GRIK4: variants seen among roughly 807,000 people sequenced by gnomAD.
The protein encoded by GRIK4 is glutamate receptor ionotropic, kainate 4.
GRIK4 carries 40 observed loss-of-function variants against 104.9 expected under a neutral mutation model. That is an observed-to-expected ratio of 0.38 (90% CI 0.30 to 0.50). The LOEUF (loss-of-function observed/expected upper bound fraction) is 0.50, where lower values mean the gene tolerates loss of function less well. GRIK4 is among the 20% of genes least tolerant of loss of function. GRIK4 has a pLI of 0.93. For synonymous variants in GRIK4, 485 were observed against 524.9 expected (o/e 0.92, Z 1.04); for missense variants, 1,047 against 1,308.1 (o/e 0.80, Z 3.08).
At chr11:120,945,230 C>G (rs1431048482) in intron 14 of GRIK4, among the ~76,000 whole-genome samples, 1 of 152,194 alleles carries the variant, frequency 6.6e-6, no homozygotes, top group Admixed American at 6.5e-5. Flanking sequence ...TCTTTCCTGG[C>G]TTTCAATACC....
At chr11:120,898,423 C>T in intron 11 of GRIK4, 109 bp from the exon 12 acceptor site, 1 of 689,392 alleles carries the variant, frequency 1.5e-6, no homozygotes, top group East Asian at 2.7e-5. Context: ...GTACTCCACA[C>T]CCCTCCCTGC....
chr11:120,893,124 G>A (rs1942463879), intron 11 of GRIK4, among the ~76,000 whole-genome samples: 1 of 152,178 alleles, frequency 6.6e-6, no homozygotes, highest in South Asian at 2.1e-4. Context: ...AAGGTAGACA[G>A]GCTCCCTGTT....
chr11:120,526,364 AT>A (rs1434992583), intron 1 of GRIK4, among the ~76,000 whole-genome samples: 1 of 151,834 alleles, frequency 6.6e-6, no homozygotes, highest in Non-Finnish European at 1.5e-5. Context: ...TGCCCCACTA[AT>A]TTTTTATATT....
Position 120,902,841 on chromosome 11 carries a change from G to A in GRIK4, c.1273-2449G>A, listed in dbSNP as rs369556389. ...GTGTGGAGAGTTTGTGCAGGGAGAA[G>A]CCCTTGTGCTGAGGACGGCGTGTGT... On this transcript the variant is annotated intron_variant, in intron 12 of 20. Transcript: ENST00000527524. This position sits in a 1 kb window ranked among gnomAD's most constrained non-coding sequence, Gnocchi z 4.5. Among the ~76,000 whole-genome samples, 130 of 152,244 alleles carry A rather than the reference G, an allele frequency of 8.5e-4. 2 individuals carry two copies. The South Asian group carries it at 0.026, about 31-fold the overall frequency.
intron 3 of GRIK4, among the ~76,000 whole-genome samples, chr11:120,699,539 ATGTGTG>A (rs57345739): frequency 0.037 from 5,313 of 145,012 alleles, 188 homozygotes; most frequent in African/African-American, 0.089. Context: ...AGGTGTGTGT[ATGTGTG>A]TGTGTGTGTG....
intron 4 of GRIK4, among the ~76,000 whole-genome samples, chr11:120,805,722 G>T (rs990613973): frequency 6.6e-6 from 1 of 152,198 alleles, no homozygotes; most frequent in Non-Finnish European, 1.5e-5. Context: ...TTCATTGAAA[G>T]ATTCCAGCCC....
At chr11:120,937,150 T>A (rs1943615443) in intron 13 of GRIK4, among the ~76,000 whole-genome samples, 1 of 152,192 alleles carries the variant, frequency 6.6e-6, no homozygotes. Context: ...TGATTCTCCC[T>A]GTCTCAGCCT....
At chr11:120,892,790 A>C (rs1955343021) in intron 11 of GRIK4, among the ~76,000 whole-genome samples, 1 of 152,138 alleles carries the variant, frequency 6.6e-6, no homozygotes, top group African/African-American at 2.4e-5. Flanking sequence ...GCCCCTACTG[A>C]TGCCACGGAA....
chr11:120,748,705 G>A (rs1288475877), intron 3 of GRIK4, among the ~76,000 whole-genome samples: 2 of 152,178 alleles, frequency 1.3e-5, no homozygotes, highest in African/African-American at 4.8e-5. Flanking sequence ...GTGGCACTCA[G>A]CACCCAATCC....
At chr11:120,790,491 G>T (rs137904427) in intron 3 of GRIK4, among the ~76,000 whole-genome samples, 1 of 152,234 alleles carries the variant, frequency 6.6e-6, no homozygotes, top group East Asian at 1.9e-4. Context: ...AAAAACAGCT[G>T]AGTACGTTCC....
chr11:120,534,442 T>G (rs751597284), intron 1 of GRIK4, among the ~76,000 whole-genome samples: 3 of 152,048 alleles, frequency 2.0e-5, no homozygotes, highest in Non-Finnish European at 2.9e-5. Flanking sequence ...GGGGCTTTAA[T>G]GAGCTCCCCT....
intron 3 of GRIK4, among the ~76,000 whole-genome samples, chr11:120,741,834 G>A (rs374004926): frequency 3.3e-4 from 50 of 152,184 alleles, no homozygotes; most frequent in Middle Eastern, 3.4e-3. Flanking sequence ...CATTCATTCC[G>A]ACCAGCAAAG....
chr11:120,953,386 G>A lies in GRIK4; in HGVS notation c.1700+422G>A, dbSNP rs115643442. Among the ~76,000 whole-genome samples the A allele has an allele frequency of 4.5e-3, 687 of 152,120 alleles. 6 individuals are homozygous for A. The highest frequency in any genetic ancestry group is 0.016 in the African/African-American group (644 of 41,508). ...CACAAAGGATCTGCCACAAAGTGCC[G>A]AATGACAAGGAACAGAGCCTGCAAA... On this transcript the variant is annotated intron_variant, in intron 15 of 20. Coordinates refer to ENST00000527524, the MANE Select transcript of GRIK4 (RefSeq NM_014619.5). The surrounding 1 kb of genome is among the most constrained non-coding windows in gnomAD (Gnocchi z 4.9).
At chr11:120,957,127 C>T (rs945693704) in intron 16 of GRIK4, among the ~76,000 whole-genome samples, 174 bp downstream of exon 16, 3 of 152,204 alleles carry the variant, frequency 2.0e-5, no homozygotes, top group Admixed American at 1.3e-4. Context: ...TGGATGGGGC[C>T]TGCTCTGTGC....
chr11:120,954,815 A>T (rs1207800642), intron 15 of GRIK4, among the ~76,000 whole-genome samples: 1 of 79,650 alleles, frequency 1.3e-5, no homozygotes, highest in Non-Finnish European at 2.4e-5. Flanking sequence ...ACACACACAC[A>T]CACACACACA....
At chr11:120,907,702 A>T (rs1473373823) in intron 13 of GRIK4, among the ~76,000 whole-genome samples, 1 of 151,886 alleles carries the variant, frequency 6.6e-6, no homozygotes, top group African/African-American at 2.4e-5. Flanking sequence ...AGTGCAGGGG[A>T]GGCAGAGTGG....
intron 13 of GRIK4, among the ~76,000 whole-genome samples, chr11:120,910,220 C>G (rs1270187521): frequency 6.6e-6 from 1 of 152,202 alleles, no homozygotes; most frequent in Non-Finnish European, 1.5e-5. Context: ...TATCCTGTTA[C>G]AACAGCGGAA....
intron 3 of GRIK4, among the ~76,000 whole-genome samples, chr11:120,772,774 T>A (rs1030041841): frequency 1.3e-5 from 2 of 151,828 alleles, no homozygotes; most frequent in Admixed American, 6.6e-5. Flanking sequence ...AGCATGCTGC[T>A]GGAAGGATTG....
chr11:120,810,840 T>A (rs1235057763), intron 4 of GRIK4, among the ~76,000 whole-genome samples: 2 of 152,330 alleles, frequency 1.3e-5, no homozygotes, highest in East Asian at 3.9e-4. Context: ...TCCTTAGCAC[T>A]GTAGTGTCAT....
Sources: allele counts gnomAD v4.1 joint callset (sites outside exome capture counted in the v4.1 genomes callset), GRCh38; gene constraint gnomAD v4.1.1; non-coding constraint Gnocchi (gnomAD v3.1); transcripts MANE v1.5; gene names NCBI Gene and HGNC (gene_info 2026-07-23, HGNC 2026-07-21).